NLRC3: variants seen among roughly 807,000 people sequenced by gnomAD.
The protein encoded by NLRC3 is NLR family CARD domain-containing protein 3.
Under a neutral mutation model 91.6 loss-of-function variants are expected in NLRC3, and 87 were observed. That is an observed-to-expected ratio of 0.95 (90% CI 0.80 to 1.14). The LOEUF (loss-of-function observed/expected upper bound fraction) is 1.14, where lower values mean the gene tolerates loss of function less well. Among genes scored for constraint, NLRC3 ranks in the 50% most tolerant of loss-of-function variants. The pLI, the probability that NLRC3 is intolerant of heterozygous loss-of-function variation, is 0.00. For missense variants in NLRC3, 1,577 were observed against 1,418.6 expected, an observed-to-expected ratio of 1.11 and a Z score of -1.79; for synonymous variants, 694 against 625.3, an observed-to-expected ratio of 1.11 and a Z score of -1.64.
intron 5 of NLRC3, 110 bp downstream of exon 5, chr16:3,562,899 G>C: frequency 9.9e-7 from 1 of 1,015,218 alleles, no homozygotes; most frequent in Non-Finnish European, 1.5e-6. Flanking sequence ...ATGGTCCTCT[G>C]TTACGGCAGC....
chr16:3,542,406 G>A, intron 18 of NLRC3, 132 bp from the exon 19 acceptor site: 1 of 686,282 alleles, frequency 1.5e-6, no homozygotes. Context: ...GCAACTCCAG[G>A]TGGGAGTTGA....
intron 3 of NLRC3, 73 bp downstream of exon 3, chr16:3,565,246 T>TGCAG: frequency 1.4e-6 from 1 of 696,264 alleles, no homozygotes; most frequent in Middle Eastern, 2.8e-4. Context: ...GTGGTAGCAA[T>TGCAG]GATCACACGA....
chr16:3,549,098 C>T (rs1157267443), intron 13 of NLRC3, 44 bp downstream of exon 13: 2 of 1,412,106 alleles, frequency 1.4e-6, no homozygotes, highest in Non-Finnish European at 2.0e-6. Flanking sequence ...TGGGTGTGGT[C>T]ATGGCATGAA....
At chr16:3,576,310 C>T (rs1028731266) in intron 1 of NLRC3, among the ~76,000 whole-genome samples, 4 of 152,354 alleles carry the variant, frequency 2.6e-5, no homozygotes, top group African/African-American at 9.6e-5. Flanking sequence ...ACCCTTGTCT[C>T]ACCCAAGGCT....
chr16:3,577,328 C>T lies in NLRC3; in HGVS notation c.-348G>A. ...GGCACTTACCACGCCAACCAACCAA[C>T]CGTGTGGGGGCCGAGAGCAGTGCAG... is the stretch of plus-strand genomic sequence containing the variant. On this transcript the variant is annotated 5_prime_UTR_variant, in exon 1 of 20. Coordinates refer to ENST00000359128, the MANE Select transcript of NLRC3 (RefSeq NM_178844.4). 1.5e-6 allele frequency: 1 copy of T among 646,452 alleles called. No homozygotes were observed. The highest frequency in any genetic ancestry group is 1.7e-5 in the South Asian group (1 of 57,882). The allele number at this position is 646,452 out of a possible 1,614,324, so 40.0% of individuals were successfully genotyped here.
intron 11 of NLRC3, 32 bp downstream of exon 11, chr16:3,550,382 G>A: frequency 6.8e-7 from 1 of 1,470,784 alleles, no homozygotes; most frequent in Non-Finnish European, 9.5e-7. Flanking sequence ...AGAGAACCCA[G>A]GGGGAATCGT....
chr16:3,551,894 C>CA (rs1263614315), intron 10 of NLRC3, among the ~76,000 whole-genome samples: 1 of 151,252 alleles, frequency 6.6e-6, no homozygotes, highest in Non-Finnish European at 1.5e-5. Context: ...CCCATATACT[C>CA]ATTTAACCAT....
intron 9 of NLRC3, among the ~76,000 whole-genome samples, chr16:3,553,742 TATTTTA>T (rs1294085196): frequency 1.3e-5 from 2 of 150,872 alleles, no homozygotes; most frequent in African/African-American, 2.4e-5. Flanking sequence ...TTTTATTTTA[TATTTTA>T]ATTTTATTTT....
At chr16:3,544,080 C>G in intron 16 of NLRC3, 166 bp downstream of exon 16, 1 of 585,670 alleles carries the variant, frequency 1.7e-6, no homozygotes, top group Non-Finnish European at 3.1e-6. Context: ...ATCACTTGAA[C>G]CCAGGAGGTG....
intron 8 of NLRC3, among the ~76,000 whole-genome samples, chr16:3,555,285 A>G (rs1287779816): frequency 6.6e-6 from 1 of 152,024 alleles, no homozygotes; most frequent in Non-Finnish European, 1.5e-5. Flanking sequence ...GACACATGGT[A>G]CCACACGGAT....
In NLRC3 at chr16:3,573,892, C is replaced by T; in HGVS notation, c.-169+3257G>A. 1.3e-5 allele frequency among the ~76,000 whole-genome samples: 2 copies of T among 151,862 alleles called. 1 individual carries two copies. The highest frequency in any genetic ancestry group is 2.9e-5 in the Non-Finnish European group (2 of 67,994). ...GGAGTGCAGTGGTACGATCTTGGCTCACTGCAGCCTCGACCTCCTGGGCTC... is the reference window on the plus strand; with the variant it reads ...GGAGTGCAGTGGTACGATCTTGGCTTACTGCAGCCTCGACCTCCTGGGCTC... On this transcript the variant is annotated intron_variant, in intron 1 of 19. Transcript: ENST00000359128.
intron 10 of NLRC3, among the ~76,000 whole-genome samples, chr16:3,550,885 G>A (rs2038957575): frequency 1.3e-5 from 2 of 152,110 alleles, no homozygotes; most frequent in Admixed American, 1.3e-4. Context: ...CTCGGTTAGT[G>A]CTTTTGGAGT....
At chr16:3,543,554 T>C in intron 16 of NLRC3, 46 bp from the exon 17 acceptor site, 1 of 1,281,398 alleles carries the variant, frequency 7.8e-7, no homozygotes, top group Non-Finnish European at 1.1e-6. Context: ...TGGGCCCACC[T>C]CCCTCCGCAT....
At chr16:3,552,014 CATCCATCCATTT>C (rs1178080402) in intron 10 of NLRC3, among the ~76,000 whole-genome samples, 170 bp downstream of exon 10, 5 of 151,884 alleles carry the variant, frequency 3.3e-5, no homozygotes, top group African/African-American at 7.3e-5. Context: ...TCCATCCATC[CATCCATCCATTT>C]ACCTAGCCAC....
rs912000848 is a variant in NLRC3, at chr16:3,576,268, C to T, written c.-169+881G>A. On this transcript the variant is annotated intron_variant, in intron 1 of 19. Transcript: ENST00000359128. ...TGGCCCAGGGCAGTGGCACTTCTTC[C>T]GAGAAGGCCTCTGCGGTTGCCGTCT... 1.5e-4 allele frequency among the ~76,000 whole-genome samples: 23 copies of T among 152,334 alleles called. No individual in the cohort carries two copies. In the South Asian group the frequency reaches 3.3e-3, roughly 22 times the overall value.
Position 3,564,031 on chromosome 16 carries a change from G to A in NLRC3, c.906C>T (p.Phe302=), listed in dbSNP as rs376783851. ...AGCCCAGAAGGGCCTGGTCCTCGGGGAACATCTGCTCCAAACACACCTTGA... is the reference window on the plus strand; with the variant it reads ...AGCCCAGAAGGGCCTGGTCCTCGGGAAACATCTGCTCCAAACACACCTTGA... ...EEIKVCLEQM[F]PEDQALLGWM... Residue 302 remains phenylalanine, a synonymous_variant, in exon 5 of 20, where the codon TTC becomes TTT. Transcript: ENST00000359128. This position sits in a 1 kb window ranked among gnomAD's most constrained non-coding sequence, Gnocchi z 5.9. The A allele has an allele frequency of 6.2e-7, 1 of 1,611,316 alleles. No homozygotes were observed. The highest frequency in any genetic ancestry group is 1.3e-5 in the African/African-American group (1 of 75,074).
intron 1 of NLRC3, among the ~76,000 whole-genome samples, chr16:3,574,324 G>A (rs1027438821): frequency 2.0e-5 from 3 of 152,044 alleles, no homozygotes; most frequent in South Asian, 2.1e-4. Context: ...ACCAACGCTC[G>A]GCCTGACCAC....
Position 3,552,220 on chromosome 16 carries a change from T to C in NLRC3, c.2327A>G (p.Gln776Arg), listed in dbSNP as rs1420228893. 1 of 1,612,144 alleles carries C rather than the reference T, an allele frequency of 6.2e-7. No homozygotes were observed. The highest frequency in any genetic ancestry group is 1.7e-5 in the Admixed American group (1 of 60,036). ...GAQRMADALK[Q>R]NRSLKELMFS... Reference sequence around the variant, plus strand: ...CATGAGCTCTTTCAGACTCCTGTTCTGCTTCAAGGCATCTGCCATCCGCTG... The same window carrying C: ...CATGAGCTCTTTCAGACTCCTGTTCCGCTTCAAGGCATCTGCCATCCGCTG... The change falls in exon 10 of 20, where the codon CAG (glutamine) becomes CGG (arginine). Residue 776 changes from glutamine to arginine, a missense_variant. Coordinates refer to ENST00000359128, the MANE Select transcript of NLRC3 (RefSeq NM_178844.4).
intron 1 of NLRC3, among the ~76,000 whole-genome samples, chr16:3,573,088 A>G (rs797013023): frequency 2.2e-4 from 34 of 151,902 alleles, no homozygotes; most frequent in African/African-American, 8.0e-4. Flanking sequence ...ACTGAAAACT[A>G]TAAAACATTA....
Sources: allele counts gnomAD v4.1 joint callset (sites outside exome capture counted in the v4.1 genomes callset), GRCh38; gene constraint gnomAD v4.1.1; non-coding constraint Gnocchi (gnomAD v3.1); transcripts MANE v1.5; gene names NCBI Gene and HGNC (gene_info 2026-07-23, HGNC 2026-07-21).